MCM5: variants seen among roughly 807,000 people sequenced by gnomAD.
MCM5 encodes the protein minichromosome maintenance complex component 5.
A neutral mutation model predicts 79.9 loss-of-function variants in MCM5; 46 were observed. That is an observed-to-expected ratio of 0.58 (90% CI 0.45 to 0.74). The LOEUF is 0.74. Ranked by LOEUF, MCM5 falls within the 30% of genes least tolerant of loss-of-function variation. The pLI is 0.00. For missense variants in MCM5, 883 were observed against 1,017.0 expected (o/e 0.87, Z 1.79); for synonymous variants, 404 against 390.5 (o/e 1.03, Z -0.41).
chr22:35,416,196 A>G (rs1932534286), intron 10 of MCM5, 143 bp from the exon 11 acceptor site: 2 of 944,180 alleles, frequency 2.1e-6, no homozygotes, highest in Admixed American at 3.7e-5. Flanking sequence ...TGTTCCCATG[A>G]TTAGAGGTGA....
rs563049487 is a variant in MCM5, at chr22:35,420,163, T to C, written c.1832+151T>C. 9.7e-6 allele frequency: 8 copies of C among 824,122 alleles called. No individual in the cohort carries two copies. The African/African-American group carries it at 1.4e-4, about 15-fold the overall frequency. 51.1% of individuals were successfully genotyped at this position (824,122 alleles called of 1,614,324 possible). On this transcript the variant is annotated intron_variant, in intron 14 of 16. Coordinates refer to ENST00000216122, the MANE Select transcript of MCM5 (RefSeq NM_006739.4). ...GGAAGAGTCCCTTTGGAGCATAAACTATGGCCTCCTTGATCTCAATGATGA... is the reference window on the plus strand; with the variant it reads ...GGAAGAGTCCCTTTGGAGCATAAACCATGGCCTCCTTGATCTCAATGATGA...
intron 7 of MCM5, 50 bp downstream of exon 7, chr22:35,410,960 G>T (rs752512958): frequency 1.3e-6 from 2 of 1,518,392 alleles, no homozygotes; most frequent in Non-Finnish European, 1.8e-6. Flanking sequence ...GGCTGTGCTT[G>T]CATACTTCTG....
chr22:35,430,592 T>G, the MCM5 span, among the ~76,000 whole-genome samples: 5,634 of 150,726 alleles, frequency 0.037, 302 homozygotes, highest in African/African-American at 0.12. Context: ...AACCTCCGCC[T>G]GCCAGTTTCA....
chr22:35,451,421 G>C, the MCM5 span, among the ~76,000 whole-genome samples: 2 of 152,246 alleles, frequency 1.3e-5, no homozygotes, highest in Non-Finnish European at 2.9e-5. Flanking sequence ...CGCAAGCTGC[G>C]CGTTCATGGA....
chr22:35,417,844 C>T lies in MCM5; in HGVS notation c.1691C>T (p.Ala564Val). 6.2e-7 allele frequency: 1 copy of T among 1,613,730 alleles called. No homozygotes were observed. The highest frequency in any genetic ancestry group is 8.5e-7 in the Non-Finnish European group (1 of 1,179,642). Reference protein sequence around the residue: ...IDLAKLKKFIAYCRVKCGPRL... With the variant: ...IDLAKLKKFIVYCRVKCGPRL... ...CTGGCCAAGCTGAAGAAGTTTATTG[C>T]CTACTGCCGAGTGTGAGTCCTGGAC... The change falls in exon 13 of 17, where the codon GCC becomes GTC. Residue 564 changes from alanine to valine, a missense_variant. Physicochemically the swap from Ala to Val is moderately conservative, Grantham distance 64. Around this residue, in one of 3 missense-constraint regions of MCM5, gnomAD observed 426 missense variants for 482.3 expected, o/e 0.88. Transcript: ENST00000216122.
the MCM5 span, among the ~76,000 whole-genome samples, chr22:35,445,755 C>T: frequency 2.0e-5 from 3 of 152,234 alleles, no homozygotes; most frequent in African/African-American, 4.8e-5. Flanking sequence ...AGGTGATCGG[C>T]CCTCCTTGGC....
chr22:35,442,508 T>A, the MCM5 span, among the ~76,000 whole-genome samples: 1 of 152,196 alleles, frequency 6.6e-6, no homozygotes, highest in East Asian at 1.9e-4. Flanking sequence ...CAGGGCTGGT[T>A]CTTCCTGGAA....
chr22:35,417,852 C>T lies in MCM5; in HGVS notation c.1699C>T (p.Arg567Ter), dbSNP rs754396597. The change falls in exon 13 of 17, where the codon CGA becomes TGA. Residue 567 changes from arginine to a stop codon, truncating the protein, a stop_gained. Transcript: ENST00000216122. LOFTEE classifies it high-confidence loss of function. Reference sequence around the variant, plus strand: ...GCTGAAGAAGTTTATTGCCTACTGCCGAGTGTGAGTCCTGGACGCAGGCCC... The same window carrying T: ...GCTGAAGAAGTTTATTGCCTACTGCTGAGTGTGAGTCCTGGACGCAGGCCC... ...AKLKKFIAYCRVKCGPRLSAE... is the reference protein window; with the variant it reads ...AKLKKFIAYC The T allele has an allele frequency of 2.5e-6, 4 of 1,613,198 alleles. No homozygotes were observed. Among genetic ancestry groups the T allele is most frequent in the Non-Finnish European group, 3.4e-6 (4 of 1,179,202 alleles).
intron 6 of MCM5, among the ~76,000 whole-genome samples, chr22:35,410,165 A>C (rs1932335267): frequency 6.6e-6 from 1 of 152,130 alleles, no homozygotes; most frequent in East Asian, 1.9e-4. Flanking sequence ...TTGAGGTCAC[A>C]CAGCGACTAA....
the MCM5 span, among the ~76,000 whole-genome samples, chr22:35,440,501 G>A: frequency 6.6e-6 from 1 of 152,222 alleles, no homozygotes; most frequent in African/African-American, 2.4e-5. Flanking sequence ...GGGGTTGAGA[G>A]GGGAGGAGGT....
chr22:35,403,130 G>A, intron 2 of MCM5, 77 bp from the exon 3 acceptor site: 1 of 1,562,982 alleles, frequency 6.4e-7, no homozygotes, highest in Non-Finnish European at 8.7e-7. Flanking sequence ...ATTCAGGGGT[G>A]CAGGCACACC....
intron 14 of MCM5, 88 bp from the exon 15 acceptor site, chr22:35,421,230 T>C (rs1006944270): frequency 2.8e-6 from 4 of 1,432,978 alleles, no homozygotes; most frequent in Non-Finnish European, 3.8e-6. Flanking sequence ...CTTACCACTT[T>C]GGGCAAGCAC....
chr22:35,427,127 T>C (rs890873781), downstream of MCM5, among the ~76,000 whole-genome samples: 1 of 152,202 alleles, frequency 6.6e-6, no homozygotes, highest in African/African-American at 2.4e-5. Context: ...AGGATACACA[T>C]GCTAACTACA....
In MCM5 at chr22:35,400,172, T is replaced by C. The variant is rs1252450114; in HGVS notation, c.-45T>C. 1.1e-5 allele frequency: 5 copies of C among 468,988 alleles called. No homozygotes were observed. Among genetic ancestry groups the C allele is most frequent in the Non-Finnish European group, 1.9e-5 (5 of 258,132 alleles). The allele number at this position is 468,988 out of a possible 1,614,324, so 29.1% of individuals were successfully genotyped here. A position where few individuals can be genotyped will look rare whatever the true frequency, so the allele number is the denominator to read the frequency against. ...ACTCGGCGGCTGAGCGTGGAGGTTC[T>C]TGTCTCCCCTGGTTTGTGAAGTGCG... On this transcript the variant is annotated 5_prime_UTR_variant, in exon 1 of 17. Transcript: ENST00000216122.
At chr22:35,436,176 A>AAG in the MCM5 span, among the ~76,000 whole-genome samples, 2 of 130,162 alleles carry the variant, frequency 1.5e-5, no homozygotes, top group African/African-American at 5.1e-5. Context: ...AAAAAAAAAA[A>AAG]AAAAAAAGAA....
the MCM5 span, among the ~76,000 whole-genome samples, chr22:35,440,971 C>T: frequency 5.3e-5 from 8 of 151,490 alleles, no homozygotes; most frequent in Non-Finnish European, 1.0e-4. Flanking sequence ...GCAGGAGAAT[C>T]GCTTGAACCC....
intron 4 of MCM5, among the ~76,000 whole-genome samples, chr22:35,404,121 AAAAT>A (rs1184230484): frequency 6.6e-6 from 1 of 152,168 alleles, no homozygotes; most frequent in African/African-American, 2.4e-5. Flanking sequence ...CTAAAAATAA[AAAAT>A]AAATTACAGA....
At chr22:35,414,084 C>A in intron 9 of MCM5, 98 bp downstream of exon 9, 1 of 720,468 alleles carries the variant, frequency 1.4e-6, no homozygotes, top group East Asian at 2.7e-5. Flanking sequence ...TGGGCTGGCT[C>A]ACCCGGAATC....
chr22:35,405,319 A>G (rs1932179148), intron 4 of MCM5, among the ~76,000 whole-genome samples: 1 of 151,638 alleles, frequency 6.6e-6, no homozygotes, highest in African/African-American at 2.4e-5. Flanking sequence ...CAAGTCCCAT[A>G]CATCATATAA....
Sources: allele counts gnomAD v4.1 joint callset (sites outside exome capture counted in the v4.1 genomes callset), GRCh38; gene constraint gnomAD v4.1.1; regional missense constraint gnomAD v4.1.1; transcripts MANE v1.5; gene names NCBI Gene and HGNC (gene_info 2026-07-23, HGNC 2026-07-21).